The following SMAP1 variants were observed in gnomAD, a reference collection of about 807,000 sequenced individuals.
SMAP1 encodes small ArfGAP 1.
In SMAP1, 24 loss-of-function variants were observed where a neutral mutation model predicts 58.5. The ratio of observed to expected loss-of-function variants is 0.41; its 90% CI spans 0.30 to 0.58. The LOEUF (loss-of-function observed/expected upper bound fraction) is 0.58, where lower values mean the gene tolerates loss of function less well. Ranked by LOEUF, SMAP1 falls within the 20% of genes least tolerant of loss-of-function variation. The pLI, the probability that SMAP1 is intolerant of heterozygous loss-of-function variation, is 0.29. For missense variants in SMAP1, 563 were observed against 566.3 expected, an observed-to-expected ratio of 0.99 and a Z score of 0.06; for synonymous variants, 216 against 196.6, an observed-to-expected ratio of 1.10 and a Z score of -0.82.
chr6:70,831,911 C>T (rs1302978057), intron 6 of SMAP1, among the ~76,000 whole-genome samples: 1 of 152,184 alleles, frequency 6.6e-6, no homozygotes, highest in Non-Finnish European at 1.5e-5. Flanking sequence ...CTTTTCTCCA[C>T]AGCGTTGCCA....
intron 1 of SMAP1, among the ~76,000 whole-genome samples, chr6:70,699,722 T>G (rs1767549384): frequency 6.6e-6 from 1 of 151,926 alleles, no homozygotes; most frequent in Non-Finnish European, 1.5e-5. Context: ...ACTGCTGATG[T>G]TAACGTAAGG....
intron 2 of SMAP1, among the ~76,000 whole-genome samples, chr6:70,734,002 G>T (rs1765526188): frequency 1.2e-5 from 1 of 86,474 alleles, no homozygotes; most frequent in African/African-American, 8.2e-5. Flanking sequence ...CAATATATTG[G>T]ATTTTTTTTT....
intron 4 of SMAP1, among the ~76,000 whole-genome samples, chr6:70,775,386 A>G (rs1323547394): frequency 6.6e-6 from 1 of 152,076 alleles, no homozygotes; most frequent in Non-Finnish European, 1.5e-5. Flanking sequence ...AATGTGTAAG[A>G]TGGTTTTATT....
intron 7 of SMAP1, among the ~76,000 whole-genome samples, chr6:70,852,031 G>C (rs554119803): frequency 6.6e-6 from 1 of 152,086 alleles, no homozygotes; most frequent in African/African-American, 2.4e-5. Flanking sequence ...TTCCATGGTA[G>C]GTAAAAATGA....
chr6:70,808,798 A>G (rs1769256324), intron 6 of SMAP1, among the ~76,000 whole-genome samples: 1 of 151,320 alleles, frequency 6.6e-6, no homozygotes, highest in African/African-American at 2.4e-5. Context: ...TCTCGCCTAC[A>G]TTAGTTACTG....
rs754287171 is a variant in SMAP1 at position 70,791,759 on chromosome 6, A to C, written c.485A>C (p.Asn162Thr). ...SPSLQAAVDK[N>T]KLEKEKEKKK... ...TCTCTGCAAGCTGCTGTTGACAAAA[A>C]TAAATTGGAGGTATGGTCATGTTTT... is the stretch of plus-strand genomic sequence containing the variant. The change falls in exon 5 of 11, where the codon AAT becomes ACT. Residue 162 changes from asparagine to threonine, a missense_variant. Transcript: ENST00000370455. The C allele has an allele frequency of 8.7e-6, 14 of 1,613,254 alleles. No individual in the cohort carries two copies. The highest frequency in any genetic ancestry group is 1.2e-5 in the Non-Finnish European group (14 of 1,179,514).
At chr6:70,731,148 T>A (rs1467923842) in intron 1 of SMAP1, among the ~76,000 whole-genome samples, 3 of 152,232 alleles carry the variant, frequency 2.0e-5, no homozygotes, top group Non-Finnish European at 4.4e-5. Context: ...TTTTTCATAA[T>A]CAACTAATTT....
Position 70,779,806 on chromosome 6 carries a change from G to A in SMAP1, c.414+6381G>A, listed in dbSNP as rs1050662843. Among the ~76,000 whole-genome samples, 10 of 152,152 alleles carry A rather than the reference G, an allele frequency of 6.6e-5. No individual in the cohort carries two copies. The East Asian group carries it at 1.5e-3, about 23-fold the overall frequency. On this transcript the variant is annotated intron_variant, in intron 4 of 10. Transcript: ENST00000370455. The stretch of plus-strand genomic sequence containing the variant: ...TGTGCTCCATTTGAGAATGTTTTGC[G>A]TGATGATCTGAGGTGGAGCTGAAGC...
chr6:70,805,691 G>A (rs2149962899), intron 6 of SMAP1, among the ~76,000 whole-genome samples: 1 of 152,260 alleles, frequency 6.6e-6, no homozygotes, highest in South Asian at 2.1e-4. Flanking sequence ...GTTTTGGTGT[G>A]GATGTCCTTT....
intron 1 of SMAP1, among the ~76,000 whole-genome samples, chr6:70,677,564 G>A (rs2128550130): frequency 6.7e-6 from 1 of 148,990 alleles, no homozygotes; most frequent in South Asian, 2.1e-4. Context: ...TACTACAGGC[G>A]CCCGCCACCG....
chr6:70,857,783 C>A, intron 9 of SMAP1, 139 bp from the exon 10 acceptor site: 1 of 851,536 alleles, frequency 1.2e-6, no homozygotes, highest in Non-Finnish European at 1.8e-6. Context: ...GTGGGTTGGT[C>A]TGAGTAGTAG....
intron 1 of SMAP1, among the ~76,000 whole-genome samples, chr6:70,729,395 C>T (rs888756684): frequency 5.4e-4 from 81 of 150,094 alleles, no homozygotes; most frequent in Non-Finnish European, 2.2e-4. Flanking sequence ...GCCGAGATCA[C>T]GCCACTGCAC....
intron 1 of SMAP1, among the ~76,000 whole-genome samples, chr6:70,669,953 CT>C (rs1201949621): frequency 0.039 from 5,661 of 145,628 alleles, 113 homozygotes; most frequent in African/African-American, 0.052. Flanking sequence ...ACCATGTTAA[CT>C]TTTTTTTTTT....
chr6:70,692,356 T>C (rs1267134395), intron 1 of SMAP1, among the ~76,000 whole-genome samples: 1 of 152,162 alleles, frequency 6.6e-6, no homozygotes, highest in Non-Finnish European at 1.5e-5. Context: ...AGATGGAGAG[T>C]TTGTAAATAT....
chr6:70,798,836 C>A, intron 6 of SMAP1, 99 bp downstream of exon 6: 1 of 973,344 alleles, frequency 1.0e-6, no homozygotes, highest in Non-Finnish European at 1.5e-6. Context: ...TGTAAATAAT[C>A]ATTATTTTCA....
chr6:70,684,538 A>G (rs1766854089), intron 1 of SMAP1, among the ~76,000 whole-genome samples: 1 of 152,248 alleles, frequency 6.6e-6, no homozygotes, highest in South Asian at 2.1e-4. Context: ...ATTTTATAAC[A>G]TTCTAATGAC....
At chr6:70,835,059 C>A (rs966799242) in intron 6 of SMAP1, among the ~76,000 whole-genome samples, 2 of 149,870 alleles carry the variant, frequency 1.3e-5, no homozygotes, top group Admixed American at 6.7e-5. Context: ...ACCATCCTAG[C>A]TAACACGGTG....
intron 1 of SMAP1, among the ~76,000 whole-genome samples, chr6:70,725,093 GTTTTTTTTTTTTTTTTTTTTTTTTT>G (rs745587315): frequency 6.5e-4 from 31 of 47,824 alleles, no homozygotes; most frequent in Admixed American, 1.8e-3. Flanking sequence ...ATTAACCAGT[GTTTTTTTTTTTTTTTTTTTTTTTTT>G]TTTTTTTTTT....
At chr6:70,672,055 C>T (rs1198653513) in intron 1 of SMAP1, among the ~76,000 whole-genome samples, 1 of 152,134 alleles carries the variant, frequency 6.6e-6, no homozygotes, top group Admixed American at 6.5e-5. Context: ...ATCAAACACT[C>T]GTTTCTTTGT....
Sources: gnomAD v4.1 joint callset for allele counts (sites outside exome capture counted in the v4.1 genomes callset) on GRCh38, gnomAD v4.1.1 for gene constraint, MANE v1.5 for transcripts, NCBI Gene and HGNC (gene_info 2026-07-23, HGNC 2026-07-21) for gene names.